HS2ST1: variants seen among roughly 807,000 people sequenced by gnomAD.
The protein encoded by HS2ST1 is 2-O-sulfotransferase.
A neutral mutation model predicts 42.9 loss-of-function variants in HS2ST1; 18 were observed. That is an observed-to-expected ratio of 0.42 (90% CI 0.29 to 0.62). The LOEUF (loss-of-function observed/expected upper bound fraction) is 0.62. HS2ST1 is among the 20% of genes least tolerant of loss of function. The probability of loss-of-function intolerance (pLI) is 0.21; values close to 1 mark genes in which losing one functional copy is unlikely to be tolerated. For missense variants in HS2ST1, 334 were observed against 433.8 expected (o/e 0.77, Z 2.04); for synonymous variants, 146 against 152.9 (o/e 0.95, Z 0.33).
At chr1:87,072,894 T>C (rs1651452312) in intron 1 of HS2ST1, 40 bp from the exon 2 acceptor site, 2 of 1,389,274 alleles carry the variant, frequency 1.4e-6, no homozygotes, top group Non-Finnish European at 2.0e-6. Context: ...TTCCTTATAG[T>C]GTCCTTAAAA....
chr1:87,002,774 G>C (rs1649329309), intron 1 of HS2ST1, among the ~76,000 whole-genome samples: 1 of 151,568 alleles, frequency 6.6e-6, no homozygotes, highest in South Asian at 2.1e-4. Context: ...CCCCTTTTTG[G>C]TCACCTACAA....
chr1:86,947,165 G>T (rs1390072161), intron 1 of HS2ST1, among the ~76,000 whole-genome samples: 1 of 152,192 alleles, frequency 6.6e-6, no homozygotes, highest in Non-Finnish European at 1.5e-5. Context: ...TCCAGAGGGA[G>T]ACATACTTTC....
chr1:86,968,409 G>A (rs1648124648), intron 1 of HS2ST1, among the ~76,000 whole-genome samples: 1 of 143,438 alleles, frequency 7.0e-6, no homozygotes, highest in East Asian at 2.1e-4. Flanking sequence ...GGTAATCTTT[G>A]GATTACTTAT....
At chr1:87,093,423 G>A (rs1651991206) in intron 4 of HS2ST1, among the ~76,000 whole-genome samples, 1 of 151,944 alleles carries the variant, frequency 6.6e-6, no homozygotes, top group Admixed American at 6.6e-5. Flanking sequence ...CCTTTACTCT[G>A]GAAAACTCTT....
chr1:86,972,274 A>G (rs550514025), intron 1 of HS2ST1, among the ~76,000 whole-genome samples: 1 of 152,352 alleles, frequency 6.6e-6, no homozygotes, highest in South Asian at 2.1e-4. Flanking sequence ...TGATGAGTAC[A>G]GTATAATAAA....
intron 2 of HS2ST1, 96 bp from the exon 3 acceptor site, chr1:87,084,097 GT>G (rs1651757823): frequency 5.6e-6 from 4 of 720,124 alleles, no homozygotes; most frequent in Non-Finnish European, 6.7e-6. Flanking sequence ...TGTAAAAGTG[GT>G]TTTAGGTTTT....
intron 1 of HS2ST1, among the ~76,000 whole-genome samples, chr1:87,016,801 G>A (rs1570487773): frequency 6.6e-6 from 1 of 152,098 alleles, no homozygotes; most frequent in East Asian, 1.9e-4. Flanking sequence ...ATACCTGTTG[G>A]AACAGAGAGT....
chr1:87,100,759 A>G lies in HS2ST1; in HGVS notation c.687-2673A>G, dbSNP rs1420899861. Among the ~76,000 whole-genome samples, 2 of 152,162 alleles carry G rather than the reference A, an allele frequency of 1.3e-5. 1 individual carries two copies. On this transcript the variant is annotated intron_variant, in intron 5 of 6. Coordinates refer to ENST00000370550, the MANE Select transcript of HS2ST1 (RefSeq NM_012262.4). Reference sequence around the variant, plus strand: ...GACTAGCCTGGGCAACCTCATCTCTACAAAACATAAAGTTAGCCAGGTGTG... The same window carrying G: ...GACTAGCCTGGGCAACCTCATCTCTGCAAAACATAAAGTTAGCCAGGTGTG...
chr1:87,059,673 A>G (rs1010557805), intron 1 of HS2ST1, among the ~76,000 whole-genome samples: 3 of 152,214 alleles, frequency 2.0e-5, no homozygotes, highest in Non-Finnish European at 2.9e-5. Flanking sequence ...TTAAAAATAG[A>G]TACTTGGTGC....
chr1:87,023,597 A>G (rs1289091408), intron 1 of HS2ST1, among the ~76,000 whole-genome samples: 1 of 152,096 alleles, frequency 6.6e-6, no homozygotes, highest in Non-Finnish European at 1.5e-5. Context: ...GATATGCCAG[A>G]CTCTGAGTTC....
At chr1:87,013,040 C>T (rs1334528156) in intron 1 of HS2ST1, among the ~76,000 whole-genome samples, 2 of 152,208 alleles carry the variant, frequency 1.3e-5, no homozygotes, top group Admixed American at 1.3e-4. Flanking sequence ...CATGGGCTAG[C>T]TTTGAGCATC....
At chr1:87,039,457 G>A (rs1650467612) in intron 1 of HS2ST1, among the ~76,000 whole-genome samples, 1 of 152,232 alleles carries the variant, frequency 6.6e-6, no homozygotes, top group South Asian at 2.1e-4. Context: ...CTGTCCTGGT[G>A]CATTCCAGCC....
chr1:87,088,873 A>G (rs1778012), intron 3 of HS2ST1, among the ~76,000 whole-genome samples: 105,426 of 151,838 alleles, frequency 0.69, 38,826 homozygotes, highest in East Asian at 0.94. Context: ...ACTTTTTTGG[A>G]TACAGGACAG....
intron 1 of HS2ST1, among the ~76,000 whole-genome samples, chr1:87,031,403 C>T (rs1455005029): frequency 1.3e-5 from 2 of 151,776 alleles, no homozygotes; most frequent in African/African-American, 2.4e-5. Context: ...TGGGAGTCAT[C>T]GTTGAGAACC....
intron 1 of HS2ST1, among the ~76,000 whole-genome samples, chr1:86,969,277 G>C (rs1179897338): frequency 2.6e-5 from 4 of 152,080 alleles, no homozygotes; most frequent in Non-Finnish European, 5.9e-5. Flanking sequence ...ACCTCAATTT[G>C]GATTTAAGGA....
chr1:87,062,326 T>A (rs1159205945), intron 1 of HS2ST1, among the ~76,000 whole-genome samples: 1 of 152,150 alleles, frequency 6.6e-6, no homozygotes. Flanking sequence ...GCATTTTGAT[T>A]TGAGTTTAAT....
rs575431055 is a variant in HS2ST1, at chr1:86,978,782, A to G, written c.124+63622A>G. Among the ~76,000 whole-genome samples, 71 of 151,914 alleles carry G rather than the reference A, an allele frequency of 4.7e-4. 2 individuals are homozygous for G. The South Asian group carries it at 0.014, about 30-fold the overall frequency. On this transcript the variant is annotated intron_variant, in intron 1 of 6. Transcript: ENST00000370550. Reference sequence around the variant, plus strand: ...TAAAATAGATGCAGGACTGTATCTCAGTCCCTTTTGTCTAAAAGGAGAAAT... The same window carrying G: ...TAAAATAGATGCAGGACTGTATCTCGGTCCCTTTTGTCTAAAAGGAGAAAT...
At chr1:86,977,748 A>G (rs2102216828) in intron 1 of HS2ST1, among the ~76,000 whole-genome samples, 1 of 152,358 alleles carries the variant, frequency 6.6e-6, no homozygotes, top group East Asian at 1.9e-4. Flanking sequence ...TAATGCTTTT[A>G]TGGCTAACTA....
intron 1 of HS2ST1, among the ~76,000 whole-genome samples, chr1:86,945,661 C>A (rs1034553817): frequency 3.3e-5 from 5 of 152,150 alleles, no homozygotes; most frequent in Non-Finnish European, 7.3e-5. Context: ...ATTACTTTAA[C>A]AGGGAAGAAC....
Sources: allele counts gnomAD v4.1 joint callset (sites outside exome capture counted in the v4.1 genomes callset), GRCh38; gene constraint gnomAD v4.1.1; transcripts MANE v1.5; gene names NCBI Gene and HGNC (gene_info 2026-07-23, HGNC 2026-07-21).